PPP1R16B: variants seen among roughly 807,000 people sequenced by gnomAD.
PPP1R16B encodes the protein protein phosphatase 1 regulatory subunit 16B.
Under a neutral mutation model 61.7 loss-of-function variants are expected in PPP1R16B, and 14 were observed. That is an observed-to-expected ratio of 0.23 (90% CI 0.15 to 0.35). The LOEUF is 0.35. Ranked by LOEUF, PPP1R16B falls within the 10% of genes least tolerant of loss-of-function variation. PPP1R16B has a pLI of 1.00. For missense variants in PPP1R16B, 547 were observed against 752.5 expected (o/e 0.73, Z 3.19); for synonymous variants, 266 against 305.3 (o/e 0.87, Z 1.34).
At chr20:38,899,958 G>A (rs546546068) in intron 4 of PPP1R16B, among the ~76,000 whole-genome samples, 9 of 152,142 alleles carry the variant, frequency 5.9e-5, no homozygotes, top group Admixed American at 2.6e-4. Flanking sequence ...ACCACGCCCC[G>A]CTAATTTTTG....
At chr20:38,857,923 T>G (rs1297230169) in intron 2 of PPP1R16B, among the ~76,000 whole-genome samples, 1 of 151,788 alleles carries the variant, frequency 6.6e-6, no homozygotes, top group Non-Finnish European at 1.5e-5. Flanking sequence ...AGAAAAAAAA[T>G]TATAGACTGG....
At chr20:38,839,687 C>CT (rs11086738) in intron 2 of PPP1R16B, among the ~76,000 whole-genome samples, 12 of 150,186 alleles carry the variant, frequency 8.0e-5, no homozygotes, top group South Asian at 2.1e-4. Context: ...CTGCAATTTT[C>CT]TTTTTTTTTT....
At chr20:38,903,201 G>A (rs1433435201) in intron 6 of PPP1R16B, among the ~76,000 whole-genome samples, 2 of 152,236 alleles carry the variant, frequency 1.3e-5, no homozygotes, top group Non-Finnish European at 1.5e-5. Context: ...AGCCTGGGTC[G>A]GAGACCTGGC....
intron 1 of PPP1R16B, among the ~76,000 whole-genome samples, chr20:38,818,113 T>G (rs1344543980): frequency 6.6e-6 from 1 of 152,254 alleles, no homozygotes; most frequent in Non-Finnish European, 1.5e-5. Context: ...GAAAATTGCA[T>G]GGGCTTTGTA....
intron 3 of PPP1R16B, among the ~76,000 whole-genome samples, chr20:38,890,920 T>C (rs1207303230): frequency 2.0e-5 from 3 of 152,156 alleles, no homozygotes; most frequent in Non-Finnish European, 4.4e-5. Context: ...CAGGTCCCTG[T>C]GTGTCCTCTT....
chr20:38,917,860 G>T (rs1156936125), intron 10 of PPP1R16B, among the ~76,000 whole-genome samples: 1 of 152,160 alleles, frequency 6.6e-6, no homozygotes, highest in East Asian at 1.9e-4. Context: ...TCCCAGGGTT[G>T]CTTCACTGAA....
rs780635950 is a variant in PPP1R16B, at chr20:38,906,949, G to C, written c.823-30G>C. The C allele has an allele frequency of 5.0e-6, 8 of 1,597,570 alleles. No homozygotes were observed. The African/African-American group carries it at 8.0e-5, about 16-fold the overall frequency. On this transcript the variant is annotated intron_variant, in intron 7 of 10. Transcript: ENST00000299824. ...CTAGGCTTTCTGAGCTCTGGGCAGG[G>C]GGACACATGAGCTTCTTCCTGTGTT...
intron 1 of PPP1R16B, among the ~76,000 whole-genome samples, chr20:38,825,117 C>G (rs1379725982): frequency 6.6e-6 from 1 of 152,208 alleles, no homozygotes; most frequent in Non-Finnish European, 1.5e-5. Context: ...TATAAGGCAG[C>G]AAATTGTGTT....
chr20:38,898,301 T>C (rs746420406), intron 4 of PPP1R16B, among the ~76,000 whole-genome samples: 11 of 152,214 alleles, frequency 7.2e-5, no homozygotes, highest in Non-Finnish European at 1.3e-4. Flanking sequence ...TAACCGTGTA[T>C]GTGAGGGTTT....
At chr20:38,904,224 A>G (rs115460277) in intron 6 of PPP1R16B, among the ~76,000 whole-genome samples, 131 of 152,334 alleles carry the variant, frequency 8.6e-4, no homozygotes, top group African/African-American at 3.1e-3. Flanking sequence ...GCACTAGGGC[A>G]TTACCCAGCC....
intron 2 of PPP1R16B, among the ~76,000 whole-genome samples, chr20:38,836,774 C>T (rs1379265017): frequency 6.6e-6 from 1 of 152,180 alleles, no homozygotes; most frequent in Non-Finnish European, 1.5e-5. Flanking sequence ...AAGGGATCCT[C>T]GTGCCTCAGC....
intron 3 of PPP1R16B, among the ~76,000 whole-genome samples, chr20:38,895,302 A>G (rs1328001323): frequency 6.6e-6 from 1 of 152,226 alleles, no homozygotes; most frequent in East Asian, 1.9e-4. Flanking sequence ...TTTATAGCTG[A>G]CAGAGTGTTT....
intron 2 of PPP1R16B, among the ~76,000 whole-genome samples, chr20:38,870,491 A>G (rs2085121341): frequency 6.6e-6 from 1 of 152,158 alleles, no homozygotes; most frequent in South Asian, 2.1e-4. Context: ...GACACTTAAG[A>G]GACCTGAAGG....
chr20:38,895,552 G>A lies in PPP1R16B; in HGVS notation c.322-13G>A, dbSNP rs1342148532. ...CCTGCCTGGAGCTGACTCTGCCTGT[G>A]TGTCTCTCCCAGTGCTGCATCGACA... On this transcript the variant is annotated splice_polypyrimidine_tract_variant and intron_variant, in intron 3 of 10. Coordinates refer to ENST00000299824, the MANE Select transcript of PPP1R16B (RefSeq NM_015568.4). The A allele has an allele frequency of 3.1e-6, 5 of 1,612,992 alleles. No homozygotes were observed. In the African/African-American group the frequency reaches 5.3e-5, roughly 17 times the overall value.
rs2085334905 is a variant in PPP1R16B, at chr20:38,895,881, TCTTTCTTC to T, written c.467+173_467+180del. 5.1e-5 allele frequency among the ~76,000 whole-genome samples: 6 copies of T among 118,062 alleles called. 1 individual carries two copies. Among genetic ancestry groups the T allele is most frequent in the African/African-American group, 2.1e-4 (6 of 28,366 alleles). 77.5% of individuals were successfully genotyped at this position (118,062 alleles called of 152,430 possible). A position where few individuals can be genotyped will look rare whatever the true frequency, so the allele number is the denominator to read the frequency against. On this transcript the variant is annotated intron_variant, in intron 4 of 10. Coordinates refer to ENST00000299824, the MANE Select transcript of PPP1R16B (RefSeq NM_015568.4). ...TTTCTTCCCTCCCTCCCTCCTTCCT[TCTTTCTTC>T]CCTCCCTCCCTCCTTCCTTCTTTCT...
At chr20:38,909,523 T>C (rs1270025104) in intron 10 of PPP1R16B, among the ~76,000 whole-genome samples, 2 of 152,154 alleles carry the variant, frequency 1.3e-5, no homozygotes, top group South Asian at 2.1e-4. Context: ...GTGAACAAGT[T>C]TGGGGCTGGA....
chr20:38,835,518 C>T (rs2084863553), intron 1 of PPP1R16B, among the ~76,000 whole-genome samples: 1 of 152,224 alleles, frequency 6.6e-6, no homozygotes, highest in African/African-American at 2.4e-5. Flanking sequence ...TCTGCATTGT[C>T]CAGTATGAAG....
At chr20:38,811,257 G>C (rs2084698969) in intron 1 of PPP1R16B, among the ~76,000 whole-genome samples, 1 of 152,150 alleles carries the variant, frequency 6.6e-6, no homozygotes, top group Non-Finnish European at 1.5e-5. Flanking sequence ...GACCCTCCCT[G>C]TTTCAGAGGA....
chr20:38,884,766 T>G (rs1203197693), intron 2 of PPP1R16B, among the ~76,000 whole-genome samples: 1 of 149,562 alleles, frequency 6.7e-6, no homozygotes, highest in South Asian at 2.1e-4. Flanking sequence ...AGTGAGGCCC[T>G]GTCTCTTAAA....
Sources: gnomAD v4.1 joint callset for allele counts (sites outside exome capture counted in the v4.1 genomes callset) on GRCh38, gnomAD v4.1.1 for gene constraint, MANE v1.5 for transcripts, NCBI Gene and HGNC (gene_info 2026-07-23, HGNC 2026-07-21) for gene names.